Variants in NR3C1 observed in about 807,000 individuals in gnomAD.
The protein encoded by NR3C1 is nuclear receptor subfamily 3 group C member 1, also known as glucocorticoid receptor.
In NR3C1, 14 loss-of-function variants were observed where a neutral mutation model predicts 74.0. The ratio of observed to expected loss-of-function variants is 0.19; its 90% confidence interval spans 0.12 to 0.30. The LOEUF is 0.30. NR3C1 is among the 10% of genes least tolerant of loss of function. NR3C1 has a pLI of 1.00. For synonymous variants in NR3C1, 308 were observed against 332.5 expected (o/e 0.93, Z 0.80); for missense variants, 695 against 909.8 (o/e 0.76, Z 3.04).
chr5:143,400,023 G>A lies in NR3C1; in HGVS notation c.817C>T (p.Leu273=), dbSNP rs1839961647. 4 of 1,614,194 alleles carry A rather than the reference G, an allele frequency of 2.5e-6. No individual in the cohort carries two copies. Among genetic ancestry groups the A allele is most frequent in the Middle Eastern group, 1.6e-4 (1 of 6,062 alleles). The part of the protein sequence containing the change: ...LVLSSPSNVT[L]PQVKTEKEDF... The stretch of plus-strand genomic sequence containing the variant: ...TCTTTTTCTGTTTTCACTTGGGGCA[G>A]TGTTACATTACTGGGGCTTGACAAA... Residue 273 remains leucine, a synonymous_variant, in exon 2 of 9, where the codon CTG becomes TTG. Transcript: ENST00000394464.
chr5:143,401,274 C>T, intron 1 of NR3C1: 1 of 233,646 alleles, frequency 4.3e-6, no homozygotes, highest in Admixed American at 5.2e-5. Context: ...TCAATCACGG[C>T]TGTTTGCTTT....
In NR3C1 at chr5:143,311,349, A is replaced by G. The variant is rs565804182; in HGVS notation, c.1352-1136T>C. Among the ~76,000 whole-genome samples the G allele has an allele frequency of 5.2e-4, 79 of 152,356 alleles. No homozygotes were observed. In the Middle Eastern group the frequency reaches 0.014, roughly 26 times the overall value. On this transcript the variant is annotated intron_variant, in intron 3 of 8. Coordinates refer to ENST00000394464, the MANE Select transcript of NR3C1 (RefSeq NM_000176.3). ...CCCACTGCTAAAAATGAAAAATTCC[A>G]AAGTTTTGTTTATATCCAACTGAAA...
intron 7 of NR3C1, chr5:143,293,796 T>A (rs1008741136): frequency 1.4e-6 from 1 of 728,168 alleles, no homozygotes; most frequent in South Asian, 6.2e-5. Context: ...GAAGAACTCG[T>A]GATATTATTT....
At position 143,400,278 on chromosome 5, in the gene NR3C1, G is replaced by T. The variant is rs764973576; in HGVS notation, c.562C>A (p.Gln188Lys). The T allele has an allele frequency of 1.2e-6, 2 of 1,604,730 alleles. No individual in the cohort carries two copies. The highest frequency in any genetic ancestry group is 1.1e-5 in the South Asian group (1 of 89,786). Residue 188 changes from glutamine to lysine, a missense_variant, in exon 2 of 9, where the codon CAA (glutamine) becomes AAA (lysine). Transcript: ENST00000394464. ...GGNVKLYTTD[Q>K]STFDILQDLE... is the part of the protein sequence containing the mutation. The stretch of plus-strand genomic sequence containing the variant: ...TCCTGCAAAATGTCAAAGGTGCTTT[G>T]GTCTGTGGTATACAATTTCACATTG...
chr5:143,430,325 A>G (rs1425175613), intron 1 of NR3C1, among the ~76,000 whole-genome samples: 1 of 152,214 alleles, frequency 6.6e-6, no homozygotes, highest in Non-Finnish European at 1.5e-5. Context: ...GAATTGTATT[A>G]AAATATTTAC....
upstream of NR3C1, among the ~76,000 whole-genome samples, chr5:143,405,768 C>T (rs1489632241): frequency 6.6e-6 from 1 of 152,140 alleles, no homozygotes; most frequent in Non-Finnish European, 1.5e-5. Flanking sequence ...AACAAAACCC[C>T]CTTCTGGACC....
At chr5:143,368,205 G>A (rs1833604500) in intron 2 of NR3C1, among the ~76,000 whole-genome samples, 1 of 152,100 alleles carries the variant, frequency 6.6e-6, no homozygotes, top group Non-Finnish European at 1.5e-5. Context: ...GAATAAGTTA[G>A]AGCCCTACTT....
chr5:143,417,808 T>C (rs961235883), intron 1 of NR3C1, among the ~76,000 whole-genome samples: 5 of 152,324 alleles, frequency 3.3e-5, no homozygotes, highest in South Asian at 2.1e-4. Context: ...ATCCAGGCAC[T>C]GGCTGGAAAT....
exon 1 of NR3C1, chr5:143,435,170 T>C (rs1319085702): frequency 7.1e-6 from 7 of 985,360 alleles, no homozygotes; most frequent in Admixed American, 1.2e-4. Context: ...TTTTCCTCCC[T>C]GCCTTCACCA....
intron 2 of NR3C1, among the ~76,000 whole-genome samples, chr5:143,320,821 T>G (rs1166116143): frequency 1.3e-5 from 2 of 152,204 alleles, no homozygotes; most frequent in Non-Finnish European, 2.9e-5. Flanking sequence ...TCTTTGCTCT[T>G]CAAACCAAGT....
At chr5:143,323,514 G>A (rs1165806871) in intron 2 of NR3C1, among the ~76,000 whole-genome samples, 2 of 152,018 alleles carry the variant, frequency 1.3e-5, no homozygotes, top group African/African-American at 4.8e-5. Flanking sequence ...GGAATTCTGG[G>A]ACATACAATT....
At chr5:143,408,968 A>AC (rs1159096828) in intron 1 of NR3C1, 1 of 152,212 alleles carries the variant, frequency 6.6e-6, no homozygotes, top group Non-Finnish European at 1.5e-5. Flanking sequence ...ATTTTATAGA[A>AC]CAATTTTTTA....
At chr5:143,364,049 C>T (rs1349258317) in intron 2 of NR3C1, among the ~76,000 whole-genome samples, 1 of 152,056 alleles carries the variant, frequency 6.6e-6, no homozygotes, top group East Asian at 1.9e-4. Flanking sequence ...GCTCAACAAA[C>T]TCCAAGTAGA....
At chr5:143,330,387 T>C (rs997197067) in intron 2 of NR3C1, among the ~76,000 whole-genome samples, 3 of 152,234 alleles carry the variant, frequency 2.0e-5, no homozygotes, top group Admixed American at 6.5e-5. Context: ...AGCAAAATAA[T>C]AGTAAATAAT....
intron 2 of NR3C1, among the ~76,000 whole-genome samples, chr5:143,362,300 G>A (rs1319244598): frequency 6.6e-6 from 1 of 151,566 alleles, no homozygotes; most frequent in African/African-American, 2.4e-5. Flanking sequence ...GAAAATAACA[G>A]TCCACATTCC....
At chr5:143,297,200 G>T (rs902687473) in intron 6 of NR3C1, among the ~76,000 whole-genome samples, 8 of 151,832 alleles carry the variant, frequency 5.3e-5, no homozygotes, top group Non-Finnish European at 1.2e-4. Context: ...ATGTAAATCT[G>T]TTGAGGAAAA....
chr5:143,434,123 C>T (rs141464957), intron 1 of NR3C1, among the ~76,000 whole-genome samples: 19 of 152,326 alleles, frequency 1.2e-4, no homozygotes, highest in African/African-American at 3.8e-4. Context: ...AGAGAAGCCC[C>T]TCCGCCACTA....
intron 1 of NR3C1, among the ~76,000 whole-genome samples, chr5:143,418,591 G>C (rs72802804): frequency 2.6e-4 from 40 of 152,124 alleles, no homozygotes; most frequent in Non-Finnish European, 5.0e-4. Context: ...AATAAGGTAT[G>C]GCCCCTGCCC....
intron 2 of NR3C1, among the ~76,000 whole-genome samples, chr5:143,354,586 T>C (rs2963151): frequency 0.15 from 22,912 of 152,026 alleles, 1,892 homozygotes; most frequent in African/African-American, 0.18. Flanking sequence ...GCAATATTTA[T>C]CAATTAAGTA....
Sources: gnomAD v4.1 joint callset for allele counts (sites outside exome capture counted in the v4.1 genomes callset) on GRCh38, gnomAD v4.1.1 for gene constraint, MANE v1.5 for transcripts, NCBI Gene and HGNC (gene_info 2026-07-23, HGNC 2026-07-21) for gene names.